PDIA5: variants seen among roughly 807,000 people sequenced by gnomAD.
The protein encoded by PDIA5 is protein disulfide-isomerase A5.
Under a neutral mutation model 77.6 loss-of-function variants are expected in PDIA5, and 58 were observed. The ratio of observed to expected loss-of-function variants is 0.75; its 90% CI spans 0.61 to 0.93. PDIA5 has a LOEUF of 0.93. PDIA5 is among the 40% of genes least tolerant of loss of function. PDIA5 has a pLI of 0.00. For synonymous variants in PDIA5, 250 were observed against 252.1 expected, an observed-to-expected ratio of 0.99 and a Z score of 0.08; for missense variants, 630 against 647.7, an observed-to-expected ratio of 0.97 and a Z score of 0.30.
chr3:123,069,200 A>C (rs1184974536), intron 1 of PDIA5, among the ~76,000 whole-genome samples: 1 of 152,182 alleles, frequency 6.6e-6, no homozygotes, highest in Non-Finnish European at 1.5e-5. Context: ...CTATCTGATA[A>C]GTGCTCCCCA....
intron 1 of PDIA5, among the ~76,000 whole-genome samples, chr3:123,073,596 G>C (rs1326094500): frequency 6.6e-6 from 1 of 152,156 alleles, no homozygotes; most frequent in Non-Finnish European, 1.5e-5. Context: ...AATTAGCTTT[G>C]TGATCTTACA....
intron 1 of PDIA5, among the ~76,000 whole-genome samples, chr3:123,084,176 C>T (rs1459980032): frequency 3.3e-5 from 5 of 152,174 alleles, no homozygotes; most frequent in South Asian, 2.1e-4. Context: ...AACGCCCGCA[C>T]GCCCCCATCT....
intron 3 of PDIA5, 108 bp downstream of exon 3, chr3:123,092,550 A>G (rs1445625288): frequency 2.4e-6 from 2 of 841,512 alleles, no homozygotes; most frequent in Non-Finnish European, 4.0e-6. Context: ...GGGAGAGAGG[A>G]TGCGATGGAA....
In PDIA5 at chr3:123,110,982, C is replaced by T. The variant is rs773267607; in HGVS notation, c.519C>T (p.Leu173=). ...TCCTGAAGAAGGAAGAGAAGCCGCT[C>T]CTGATCATGTTTTATGCCCCCTGTG... ...RRLLKKEEKP[L]LIMFYAPWCS... The change falls in exon 7 of 17, where the codon CTC becomes CTT. Residue 173 remains leucine (L), a synonymous_variant. Coordinates refer to ENST00000316218, the MANE Select transcript of PDIA5 (RefSeq NM_006810.4). 6.2e-7 allele frequency: 1 copy of T among 1,613,862 alleles called. No homozygotes were observed. The highest frequency in any genetic ancestry group is 2.2e-5 in the East Asian group (1 of 44,866).
chr3:123,151,979 T>TCCTTCCTG (rs1469045927), intron 14 of PDIA5, among the ~76,000 whole-genome samples: 1 of 120,192 alleles, frequency 8.3e-6, no homozygotes, highest in Non-Finnish European at 1.6e-5. Context: ...CTTCCTGCCT[T>TCCTTCCTG]CCTTCCTGCC....
chr3:123,078,158 T>C (rs1463060625), intron 1 of PDIA5, among the ~76,000 whole-genome samples: 1 of 152,182 alleles, frequency 6.6e-6, no homozygotes. Context: ...TCTACAAGTA[T>C]TTGCTAGGTA....
chr3:123,098,286 G>A (rs1338610487), intron 3 of PDIA5, among the ~76,000 whole-genome samples: 3 of 152,120 alleles, frequency 2.0e-5, no homozygotes, highest in African/African-American at 7.2e-5. Context: ...AATGGGCTGT[G>A]GTACTTAGGC....
intron 13 of PDIA5, 108 bp downstream of exon 13, chr3:123,146,367 C>T (rs1439096384): frequency 1.2e-5 from 11 of 909,362 alleles, no homozygotes; most frequent in African/African-American, 1.6e-5. Flanking sequence ...GGGCTCATGC[C>T]CGTAGGAGTC....
At chr3:123,125,501 G>A (rs949375255) in intron 10 of PDIA5, among the ~76,000 whole-genome samples, 7 of 152,194 alleles carry the variant, frequency 4.6e-5, no homozygotes, top group Admixed American at 1.3e-4. Flanking sequence ...AGTTCTGCTC[G>A]GAGCCCCTCC....
At chr3:123,104,591 A>G (rs16833926) in intron 5 of PDIA5, among the ~76,000 whole-genome samples, 6,061 of 152,366 alleles carry the variant, frequency 0.04, 483 homozygotes, top group Admixed American at 0.21. Flanking sequence ...AGGCCAGTTA[A>G]GTGAGAACTT....
rs1029374141 is a variant in PDIA5 at position 123,130,676 on chromosome 3, G to A, written c.910+60G>A. On this transcript the variant is annotated intron_variant, in intron 11 of 16. Coordinates refer to ENST00000316218, the MANE Select transcript of PDIA5 (RefSeq NM_006810.4). ...TCCCCTCTCTCAGAGTAGGATGAGT[G>A]TGGCGCTTTGCAATGTGAACCCAGG... is the stretch of plus-strand genomic sequence containing the variant. 1.9e-5 allele frequency: 30 copies of A among 1,576,858 alleles called. No individual in the cohort carries two copies. The African/African-American group carries it at 4.0e-4, about 21-fold the overall frequency.
chr3:123,130,660 TCA>T, intron 11 of PDIA5, 44 bp downstream of exon 11: 4 of 1,606,384 alleles, frequency 2.5e-6, no homozygotes, highest in Middle Eastern at 3.3e-4. Context: ...CTCCCCTCTC[TCA>T]GAGTAGGATG....
intron 11 of PDIA5, among the ~76,000 whole-genome samples, chr3:123,139,222 C>T (rs1935568924): frequency 6.6e-6 from 1 of 152,178 alleles, no homozygotes; most frequent in South Asian, 2.1e-4. Context: ...GAGTCCCGCT[C>T]CCTGCATGTA....
intron 15 of PDIA5, among the ~76,000 whole-genome samples, chr3:123,155,361 A>C (rs1935997253): frequency 6.6e-6 from 1 of 152,212 alleles, no homozygotes; most frequent in Non-Finnish European, 1.5e-5. Flanking sequence ...TTATATAATT[A>C]AAAATACAAA....
At chr3:123,125,440 C>T (rs375655782) in intron 10 of PDIA5, among the ~76,000 whole-genome samples, 7 of 152,108 alleles carry the variant, frequency 4.6e-5, no homozygotes, top group African/African-American at 9.7e-5. Flanking sequence ...GATGGGTCCC[C>T]GCCACCAACC....
At position 123,089,147 on chromosome 3, in the gene PDIA5, C is replaced by T. The variant is rs766507525; in HGVS notation, c.43-21C>T. 7.5e-6 allele frequency: 12 copies of T among 1,609,372 alleles called. No individual in the cohort carries two copies. In the Middle Eastern group the frequency reaches 6.7e-4, roughly 90 times the overall value. On this transcript the variant is annotated intron_variant, in intron 1 of 16. Transcript: ENST00000316218. Reference sequence around the variant, plus strand: ...CCAGCCAGAAGCTGGAACTCACAGTCGTTGGCTCCTTGATCCCCAGGTGGT... The same window carrying T: ...CCAGCCAGAAGCTGGAACTCACAGTTGTTGGCTCCTTGATCCCCAGGTGGT...
chr3:123,136,529 A>G (rs1475956312), intron 11 of PDIA5, among the ~76,000 whole-genome samples: 1 of 152,102 alleles, frequency 6.6e-6, no homozygotes, highest in Non-Finnish European at 1.5e-5. Flanking sequence ...TCATGAGGTC[A>G]GAAGTTCGAG....
chr3:123,161,116 C>T (rs1421033317), intron 15 of PDIA5, among the ~76,000 whole-genome samples: 1 of 152,184 alleles, frequency 6.6e-6, no homozygotes, highest in Non-Finnish European at 1.5e-5. Flanking sequence ...AGTCCCCTAA[C>T]CTTACCCATC....
At chr3:123,112,534 C>CTTTTTTT (rs55977938) in intron 7 of PDIA5, among the ~76,000 whole-genome samples, 11 of 61,480 alleles carry the variant, frequency 1.8e-4, no homozygotes, top group South Asian at 8.9e-4. Flanking sequence ...CAGCCCTATT[C>CTTTTTTT]TTTTTTTTTT....
Sources: gnomAD v4.1 joint callset for allele counts (sites outside exome capture counted in the v4.1 genomes callset) on GRCh38, gnomAD v4.1.1 for gene constraint, MANE v1.5 for transcripts, NCBI Gene and HGNC (gene_info 2026-07-23, HGNC 2026-07-21) for gene names.